THOC2: variants seen among roughly 807,000 people sequenced by gnomAD.
THOC2 encodes THO complex subunit 2, also known as THO complex 2.
In THOC2, 10 loss-of-function variants were observed where a neutral mutation model predicts 128.4. That is an observed-to-expected ratio of 0.08 (90% confidence interval 0.05 to 0.13). The LOEUF is 0.13. Ranked by LOEUF, THOC2 falls within the 10% of genes least tolerant of loss-of-function variation. The pLI, the probability that THOC2 is intolerant of heterozygous loss-of-function variation, is 1.00. For synonymous variants in THOC2, 393 were observed against 396.9 expected, an observed-to-expected ratio of 0.99 and a Z score of 0.12; for missense variants, 535 against 1,155.7, an observed-to-expected ratio of 0.46 and a Z score of 7.79.
At chrX:123,612,832 C>T (rs1279748440) in intron 36 of THOC2, among the ~76,000 whole-genome samples, 1 of 111,350 alleles carries the variant, frequency 9.0e-6, no homozygotes, top group African/African-American at 3.3e-5. Flanking sequence ...GTTTTGGAAA[C>T]AATTTATACT....
chrX:123,727,855 C>T (rs1191087260), intron 1 of THOC2, among the ~76,000 whole-genome samples: 1 of 112,573 alleles, frequency 8.9e-6, no homozygotes, highest in Non-Finnish European at 1.9e-5. Flanking sequence ...TACTTTCTGT[C>T]AAAAGATGTA....
intron 38 of THOC2, 189 bp from the exon 39 acceptor site, chrX:123,601,527 G>C (rs2046278502): frequency 9.2e-6 from 1 of 108,257 alleles, no homozygotes; most frequent in Non-Finnish European, 1.9e-5. Flanking sequence ...AAGAAGAAGA[G>C]AAGGAAGGAG....
At chrX:123,708,062 AG>A (rs1230256479) in intron 2 of THOC2, among the ~76,000 whole-genome samples, 2 of 110,207 alleles carry the variant, frequency 1.8e-5, no homozygotes, top group African/African-American at 6.6e-5. Context: ...AGGAGATCAA[AG>A]TTGCAATGAG....
At chrX:123,683,023 C>A (rs2147860013) in intron 8 of THOC2, among the ~76,000 whole-genome samples, 1 of 111,611 alleles carries the variant, frequency 9.0e-6, no homozygotes, top group South Asian at 3.8e-4. Flanking sequence ...CATGCTGTCC[C>A]CAAATCCTCT....
intron 36 of THOC2, 39 bp from the exon 37 acceptor site, chrX:123,611,555 C>T (rs1218981863): frequency 2.1e-6 from 2 of 954,865 alleles, no homozygotes; most frequent in Admixed American, 2.4e-5. Context: ...AAGGGAAAGC[C>T]AAATATAAAA....
intron 7 of THOC2, among the ~76,000 whole-genome samples, chrX:123,690,085 A>C (rs957918905): frequency 9.0e-6 from 1 of 111,560 alleles, no homozygotes; most frequent in Non-Finnish European, 1.9e-5. Context: ...CAAACAAGAA[A>C]CCATATTTAA....
chrX:123,611,714 A>G (rs2046706046), intron 36 of THOC2, among the ~76,000 whole-genome samples, 198 bp from the exon 37 acceptor site: 1 of 108,763 alleles, frequency 9.2e-6, no homozygotes, highest in Admixed American at 1.0e-4. Context: ...ATCAAAGAAC[A>G]CTATCAAGAA....
intron 12 of THOC2, among the ~76,000 whole-genome samples, chrX:123,651,129 A>T (rs1172134645): frequency 8.9e-6 from 1 of 112,100 alleles, no homozygotes; most frequent in Non-Finnish European, 1.9e-5. Flanking sequence ...CAGTGCAATC[A>T]AATTAGAACT....
rs774102662 is a variant in THOC2, at chrX:123,668,234, C to G, written c.942G>C (p.Thr314=). The change falls in exon 10 of 39, where the codon ACG becomes ACC. Residue 314 remains threonine, a synonymous_variant. Transcript: ENST00000245838. ...TTTTTTCAGAAGACAACACAACCAT[C>G]GTAAGCTTTCTAACAATTTGCTTAG... The part of the protein sequence containing the change: ...AEAKQIVRKL[T]MVVLSSEKMD... 8.3e-7 allele frequency: 1 copy of G among 1,200,922 alleles called. No homozygotes were observed.
rs746272736 is a variant in THOC2 at position 123,645,370 on chromosome X, C to G, written c.1392G>C (p.Gln464His). ...RIGKSFMKEF[Q>H]SDGSKQEDKE... ...TATCTTCTTGTTTGCTTCCATCAGA[C>G]TGAAACTACAATTTAAAAAAAGAAA... Residue 464 changes from glutamine (Q) to histidine (H), a missense_variant, in exon 13 of 39, where the codon CAG (glutamine) becomes CAC (histidine). Transcript: ENST00000245838. 9.1e-7 allele frequency: 1 copy of G among 1,099,067 alleles called. No individual in the cohort carries two copies. The highest frequency in any genetic ancestry group is 3.1e-5 in the East Asian group (1 of 32,397). 90.6% of individuals were successfully genotyped at this position (1,099,067 alleles called of 1,213,427 possible). A position where few individuals can be genotyped will look rare whatever the true frequency, so the allele number is the denominator to read the frequency against.
chrX:123,671,061 C>T (rs1033357720), intron 9 of THOC2, among the ~76,000 whole-genome samples: 2 of 111,827 alleles, frequency 1.8e-5, no homozygotes, highest in African/African-American at 3.2e-5. Flanking sequence ...GATTCTGAAA[C>T]TGATGACTAA....
At chrX:123,673,174 C>T (rs1156907220) in intron 8 of THOC2, among the ~76,000 whole-genome samples, 3 of 110,722 alleles carry the variant, frequency 2.7e-5, no homozygotes. Flanking sequence ...CCCCGTCTCT[C>T]CTAAAAATAC....
At chrX:123,630,612 CAA>C (rs57639724) in intron 22 of THOC2, among the ~76,000 whole-genome samples, 243 of 15,982 alleles carry the variant, frequency 0.015, no homozygotes, top group Middle Eastern at 0.043. Context: ...GACTCCATCT[CAA>C]AAAAAAAAAA....
intron 12 of THOC2, among the ~76,000 whole-genome samples, chrX:123,645,840 T>A (rs1264186691): frequency 9.0e-6 from 1 of 111,103 alleles, no homozygotes; most frequent in East Asian, 2.8e-4. Context: ...CGCACACCTG[T>A]AGTCCCAGCT....
At chrX:123,702,594 TATATATA>T (rs773986943) in intron 4 of THOC2, among the ~76,000 whole-genome samples, 130 of 105,295 alleles carry the variant, frequency 1.2e-3, no homozygotes, top group African/African-American at 4.2e-3. Context: ...TATATATCTG[TATATATA>T]ATATATATGT....
chrX:123,634,100 T>C, intron 19 of THOC2, 30 bp from the exon 20 acceptor site: 1 of 837,902 alleles, frequency 1.2e-6, no homozygotes, highest in South Asian at 2.3e-5. Flanking sequence ...AAACAGTCTA[T>C]AGTTAGAACT....
In THOC2 at chrX:123,678,434, T is replaced by A. The variant is rs1327929906; in HGVS notation, c.769-6673A>T. Among the ~76,000 whole-genome samples the A allele has an allele frequency of 4.6e-5, 5 of 108,765 alleles. No individual in the cohort carries two copies. The East Asian group carries it at 1.5e-3, about 32-fold the overall frequency. The allele number at this position is 108,765 out of a possible 115,157, so 94.4% of individuals were successfully genotyped here. On this transcript the variant is annotated intron_variant, in intron 8 of 38. Coordinates refer to ENST00000245838, the MANE Select transcript of THOC2 (RefSeq NM_001081550.2). Reference sequence around the variant, plus strand: ...GTCTGCACCACCAAGCCCAGCTAATTTTTCCGTTTTTGGGTAGAGACAGGG... The same window carrying A: ...GTCTGCACCACCAAGCCCAGCTAATATTTCCGTTTTTGGGTAGAGACAGGG...
chrX:123,614,779 C>CT (rs377479175), intron 33 of THOC2, among the ~76,000 whole-genome samples: 18 of 111,808 alleles, frequency 1.6e-4, no homozygotes, highest in African/African-American at 5.8e-4. Flanking sequence ...ACTCCAATTT[C>CT]TATCAAAATA....
intron 12 of THOC2, among the ~76,000 whole-genome samples, chrX:123,664,082 T>C (rs964402152): frequency 5.3e-5 from 6 of 112,260 alleles, no homozygotes; most frequent in Admixed American, 4.7e-4. Context: ...TAAACAAACA[T>C]GTGCATGTGT....
Sources: gnomAD v4.1 joint callset for allele counts (sites outside exome capture counted in the v4.1 genomes callset) on GRCh38, gnomAD v4.1.1 for gene constraint, MANE v1.5 for transcripts, NCBI Gene and HGNC (gene_info 2026-07-23, HGNC 2026-07-21) for gene names.